The following MCTP1 variants were observed in gnomAD, a reference collection of about 807,000 sequenced individuals.
MCTP1 encodes multiple C2 and transmembrane domain containing 1, also known as multiple C2 and transmembrane domain-containing protein 1.
MCTP1 carries 69 observed loss-of-function variants against 120.6 expected under a neutral mutation model. That is an observed-to-expected ratio of 0.57 (90% CI 0.47 to 0.70). The LOEUF is 0.70. MCTP1 is among the 30% of genes least tolerant of loss of function. The pLI is 0.00. For synonymous variants in MCTP1, 529 were observed against 493.1 expected, an observed-to-expected ratio of 1.07 and a Z score of -0.96; for missense variants, 1,203 against 1,248.8, an observed-to-expected ratio of 0.96 and a Z score of 0.55.
chr5:94,870,337 A>G (rs1561778919), intron 16 of MCTP1, 80 bp downstream of exon 16: 3 of 963,538 alleles, frequency 3.1e-6, no homozygotes, highest in Non-Finnish European at 4.9e-6. Flanking sequence ...CATACCTTTA[A>G]AGTTTATTTG....
intron 1 of MCTP1, among the ~76,000 whole-genome samples, chr5:95,128,391 T>C (rs1052326354): frequency 4.6e-5 from 7 of 152,234 alleles, no homozygotes; most frequent in African/African-American, 7.2e-5. Context: ...GTTAGCATTA[T>C]GTATAACAGC....
rs375403332 is a variant in MCTP1 at position 94,871,354 on chromosome 5, A to C, written c.2100T>G (p.Ser700Arg). 5.6e-6 allele frequency: 9 copies of C among 1,612,602 alleles called. No homozygotes were observed. The highest frequency in any genetic ancestry group is 7.6e-6 in the Non-Finnish European group (9 of 1,179,066). Residue 700 changes from serine (S) to arginine (R), a missense_variant, in exon 14 of 23, where the codon AGT (serine) becomes AGG (arginine). Ser to Arg is a moderately radical substitution (Grantham distance 110). Around this residue, in one of 2 missense-constraint regions of MCTP1, gnomAD observed 740 missense variants for 871.1 expected, o/e 0.85. Transcript: ENST00000515393. The stretch of plus-strand genomic sequence containing the variant: ...TAGCAACTTTGCCCAGAAAGTCAGC[A>C]CTTCGATCCCGATCTTCATCATAAA... ...VTVYDEDRDRSADFLGKVAIP... is the reference protein window; with the variant it reads ...VTVYDEDRDRRADFLGKVAIP...
At chr5:95,114,867 A>C (rs574496510) in intron 1 of MCTP1, among the ~76,000 whole-genome samples, 3 of 152,308 alleles carry the variant, frequency 2.0e-5, no homozygotes, top group African/African-American at 7.2e-5. Flanking sequence ...TGCTGGCTAC[A>C]GGACTGACCC....
chr5:94,830,245 G>A (rs1268457163), intron 17 of MCTP1, among the ~76,000 whole-genome samples: 1 of 152,170 alleles, frequency 6.6e-6, no homozygotes, highest in African/African-American at 2.4e-5. Flanking sequence ...GAGAAAGGGT[G>A]AATGTTAGAA....
At chr5:95,271,585 A>C (rs772936895) in intron 1 of MCTP1, among the ~76,000 whole-genome samples, 2 of 152,054 alleles carry the variant, frequency 1.3e-5, no homozygotes, top group Non-Finnish European at 2.9e-5. Flanking sequence ...AATGATTGAT[A>C]TTAGTTATTG....
chr5:94,897,663 C>T (rs1223218622), intron 10 of MCTP1, among the ~76,000 whole-genome samples: 1 of 152,190 alleles, frequency 6.6e-6, no homozygotes, highest in Admixed American at 6.5e-5. Flanking sequence ...CTGCACCCAG[C>T]CGACTTTTTC....
intron 18 of MCTP1, among the ~76,000 whole-genome samples, chr5:94,790,367 C>A (rs191377984): frequency 9.0e-4 from 137 of 152,330 alleles, no homozygotes; most frequent in Non-Finnish European, 1.7e-3. Flanking sequence ...AAAAGAGGAC[C>A]CACCAGACTA....
chr5:94,905,543 G>A (rs1040857024), intron 10 of MCTP1, among the ~76,000 whole-genome samples: 5 of 152,070 alleles, frequency 3.3e-5, no homozygotes, highest in Non-Finnish European at 5.9e-5. Flanking sequence ...ATGAGCGGTC[G>A]AGAATCCTCA....
chr5:94,974,412 A>G (rs2153581886), intron 2 of MCTP1, among the ~76,000 whole-genome samples: 1 of 152,172 alleles, frequency 6.6e-6, no homozygotes, highest in African/African-American at 2.4e-5. Flanking sequence ...TTAGCTGGGC[A>G]TGGTGGTATG....
At chr5:95,185,959 A>G (rs1749157118) in intron 1 of MCTP1, among the ~76,000 whole-genome samples, 1 of 151,898 alleles carries the variant, frequency 6.6e-6, no homozygotes, top group Non-Finnish European at 1.5e-5. Context: ...CACTGCACTC[A>G]AGCCTGGGCA....
At chr5:94,804,029 A>C (rs1390084149) in intron 17 of MCTP1, among the ~76,000 whole-genome samples, 1 of 152,190 alleles carries the variant, frequency 6.6e-6, no homozygotes, top group Non-Finnish European at 1.5e-5. Context: ...CTGACAGACC[A>C]AGAAGCCAAC....
At chr5:94,808,879 T>C (rs1782891539) in intron 17 of MCTP1, among the ~76,000 whole-genome samples, 2 of 152,296 alleles carry the variant, frequency 1.3e-5, no homozygotes, top group East Asian at 3.9e-4. Flanking sequence ...TTGGATTTAC[T>C]AGGATGAACA....
intron 1 of MCTP1, among the ~76,000 whole-genome samples, chr5:95,192,140 A>T (rs756140065): frequency 6.6e-6 from 1 of 152,044 alleles, no homozygotes; most frequent in African/African-American, 2.4e-5. Context: ...TTCCCAAGGG[A>T]TAAAAAAAAG....
At chr5:94,811,297 G>A (rs932880982) in intron 17 of MCTP1, among the ~76,000 whole-genome samples, 2 of 152,134 alleles carry the variant, frequency 1.3e-5, no homozygotes, top group African/African-American at 2.4e-5. Flanking sequence ...AAAGGTTTGA[G>A]CACTAAGTAT....
intron 1 of MCTP1, among the ~76,000 whole-genome samples, chr5:95,050,586 T>C (rs1192961873): frequency 3.3e-5 from 5 of 152,230 alleles, no homozygotes; most frequent in Non-Finnish European, 7.3e-5. Flanking sequence ...CCAGGTATCA[T>C]AGCTTCTCAT....
At chr5:95,069,130 A>G (rs1485302073) in intron 1 of MCTP1, among the ~76,000 whole-genome samples, 5 of 152,056 alleles carry the variant, frequency 3.3e-5, no homozygotes, top group Non-Finnish European at 7.4e-5. Flanking sequence ...AATGTGCCCT[A>G]TTTTTCTCCT....
intron 1 of MCTP1, among the ~76,000 whole-genome samples, chr5:95,056,266 A>T (rs1201671520): frequency 1.3e-5 from 2 of 152,218 alleles, no homozygotes; most frequent in African/African-American, 2.4e-5. Flanking sequence ...TCATTAATAC[A>T]TCTTTCACAA....
chr5:94,981,007 A>C (rs1393647980), intron 2 of MCTP1: 7 of 152,132 alleles, frequency 4.6e-5, no homozygotes, highest in African/African-American at 1.4e-4. Flanking sequence ...TGAAAAAAAA[A>C]CCTTCACCCC....
intron 1 of MCTP1, among the ~76,000 whole-genome samples, chr5:95,078,507 T>C (rs1280935129): frequency 1.3e-5 from 2 of 152,184 alleles, no homozygotes; most frequent in South Asian, 2.1e-4. Context: ...CCCCATCTTA[T>C]GTAAATTCAC....
Sources: gnomAD v4.1 joint callset for allele counts (sites outside exome capture counted in the v4.1 genomes callset) on GRCh38, gnomAD v4.1.1 for gene constraint, gnomAD v4.1.1 regional missense constraint, MANE v1.5 for transcripts, NCBI Gene and HGNC (gene_info 2026-07-23, HGNC 2026-07-21) for gene names.